The following AATK variants were observed in gnomAD, a reference collection of about 807,000 sequenced individuals.
The protein encoded by AATK is serine/threonine-protein kinase LMTK1.
Under a neutral mutation model 114.3 loss-of-function variants are expected in AATK, and 91 were observed. The observed-to-expected ratio is 0.80, with a 90% CI of 0.67 to 0.95. The LOEUF (loss-of-function observed/expected upper bound fraction) is 0.95, where lower values mean the gene tolerates loss of function less well. Among genes scored for constraint, AATK ranks in the 40% least tolerant of loss-of-function variants. The pLI is 0.00. For missense variants in AATK, 2,176 were observed against 1,965.2 expected (o/e 1.11, Z -2.03); for synonymous variants, 1,075 against 916.5 (o/e 1.17, Z -3.12).
Position 81,120,765 on chromosome 17 carries a change from G to A in AATK, c.3171C>T (p.Pro1057=), listed in dbSNP as rs1352516992. 1 of 1,574,990 alleles carries A rather than the reference G, an allele frequency of 6.3e-7. No homozygotes were observed. Among genetic ancestry groups the A allele is most frequent in the South Asian group, 1.2e-5 (1 of 86,036 alleles). ...AQGSGPGEVL[P]PLLQLEGSSP... is the part of the protein sequence containing the mutation. ...AGGACCCTTCAAGCTGCAGCAGTGG[G>A]GGCAGCACCTCCCCGGGGCCAGAGC... is the stretch of plus-strand genomic sequence containing the variant. The change falls in exon 11 of 14, where the codon CCC becomes CCT. Residue 1057 remains proline (P), a synonymous_variant. Transcript: ENST00000326724.
intron 1 of AATK, among the ~76,000 whole-genome samples, chr17:81,143,211 G>C (rs8070543): frequency 6.9e-6 from 1 of 144,748 alleles, no homozygotes; most frequent in African/African-American, 2.6e-5. Context: ...CCCCACCCCC[G>C]CAACGTGCAC....
chr17:81,151,317 CT>C (rs2061294154), intron 1 of AATK, among the ~76,000 whole-genome samples: 1 of 150,038 alleles, frequency 6.7e-6, no homozygotes, highest in African/African-American at 2.5e-5. Context: ...TGTCTCCCCC[CT>C]CACCCCTCCT....
chr17:81,120,581 C>A lies in AATK; in HGVS notation c.3355G>T (p.Gly1119Trp). ...RSEGNSSEFQ[G>W]PPGLLSGPAP... is the part of the protein sequence containing the mutation. ...GGCCCTGACAACAGTCCTGGGGGCC[C>A]CTGGAACTCAGAGCTGTTGCCTTCT... The change falls in exon 11 of 14, where the codon GGG (glycine) becomes TGG (tryptophan). Residue 1119 changes from glycine (G) to tryptophan (W), a missense_variant. Gly to Trp is a radical substitution (Grantham distance 184). Transcript: ENST00000326724. 6.5e-7 allele frequency: 1 copy of A among 1,534,660 alleles called. No individual in the cohort carries two copies. The highest frequency in any genetic ancestry group is 8.7e-7 in the Non-Finnish European group (1 of 1,143,928).
intron 8 of AATK, 28 bp downstream of exon 8, chr17:81,124,902 C>T (rs781569112): frequency 6.5e-7 from 1 of 1,544,220 alleles, no homozygotes; most frequent in Non-Finnish European, 8.8e-7. Context: ...CCCCTCATGC[C>T]CAGCCCAGCC....
intron 7 of AATK, among the ~76,000 whole-genome samples, chr17:81,125,625 C>T (rs917289475): frequency 1.3e-5 from 2 of 152,152 alleles, no homozygotes; most frequent in African/African-American, 4.8e-5. Flanking sequence ...CCCTGCCTGG[C>T]TGGTCACGTG....
intron 13 of AATK, among the ~76,000 whole-genome samples, 168 bp downstream of exon 13, chr17:81,119,212 G>GC (rs1568215747): frequency 6.9e-6 from 1 of 144,650 alleles, no homozygotes; most frequent in African/African-American, 2.7e-5. Context: ...AGGGCCAGGC[G>GC]GGGTCCAGGC....
At chr17:81,123,574 C>T (rs986483390) in intron 9 of AATK, among the ~76,000 whole-genome samples, 7 of 152,208 alleles carry the variant, frequency 4.6e-5, no homozygotes, top group African/African-American at 9.7e-5. Context: ...ACATAAAGGC[C>T]GGGCTGGCCG....
intron 1 of AATK, among the ~76,000 whole-genome samples, chr17:81,149,102 C>A (rs1316484487): frequency 2.0e-5 from 3 of 152,130 alleles, no homozygotes; most frequent in African/African-American, 7.2e-5. Context: ...ATGGCCATCC[C>A]GAGAGCTGCA....
intron 1 of AATK, among the ~76,000 whole-genome samples, chr17:81,163,264 C>T (rs2061446143): frequency 6.6e-6 from 1 of 152,156 alleles, no homozygotes; most frequent in African/African-American, 2.4e-5. Flanking sequence ...TGAGGCCGCA[C>T]CAGGGAAGGT....
rs539655459 is a variant in AATK at position 81,163,688 on chromosome 17, G to T, written c.55+2250C>A. Among the ~76,000 whole-genome samples the T allele has an allele frequency of 1.7e-3, 264 of 152,334 alleles. 1 individual carries two copies. The highest frequency in any genetic ancestry group is 0.01 in the Middle Eastern group (3 of 294). On this transcript the variant is annotated intron_variant, in intron 1 of 13. Transcript: ENST00000326724. Reference sequence around the variant, plus strand: ...CCTGCCCTGCCCGCATCTGCCTGGTGCGGAAGGTCAGGGGCCCAGGCAGCC... The same window carrying T: ...CCTGCCCTGCCCGCATCTGCCTGGTTCGGAAGGTCAGGGGCCCAGGCAGCC...
chr17:81,143,563 C>T (rs868085582), intron 1 of AATK, among the ~76,000 whole-genome samples: 1 of 151,282 alleles, frequency 6.6e-6, no homozygotes, highest in Non-Finnish European at 1.5e-5. Flanking sequence ...GCCCCAATTC[C>T]CCCAGCCATG....
intron 1 of AATK, among the ~76,000 whole-genome samples, chr17:81,155,739 GC>G (rs1288229975): frequency 6.6e-6 from 1 of 151,622 alleles, no homozygotes; most frequent in Admixed American, 6.6e-5. Flanking sequence ...AGGCTGGAGT[GC>G]AGCGGTGCCA....
chr17:81,144,934 T>G (rs1182552317), intron 1 of AATK, among the ~76,000 whole-genome samples: 1 of 152,150 alleles, frequency 6.6e-6, no homozygotes, highest in East Asian at 1.9e-4. Flanking sequence ...CCACACTCCA[T>G]GAAAAGCCTG....
chr17:81,151,624 C>T (rs2061300377), intron 1 of AATK, among the ~76,000 whole-genome samples: 1 of 152,112 alleles, frequency 6.6e-6, no homozygotes, highest in African/African-American at 2.4e-5. Flanking sequence ...GCTGGAACTG[C>T]CCTGGGAGTG....
intron 1 of AATK, among the ~76,000 whole-genome samples, chr17:81,142,928 G>A (rs930095562): frequency 1.3e-5 from 2 of 152,248 alleles, no homozygotes; most frequent in African/African-American, 4.8e-5. Flanking sequence ...GCAGTGGAAA[G>A]GACAGGAGGC....
chr17:81,152,078 C>G (rs1290519063), intron 1 of AATK, among the ~76,000 whole-genome samples: 1 of 151,908 alleles, frequency 6.6e-6, no homozygotes, highest in Non-Finnish European at 1.5e-5. Flanking sequence ...AGTTCGAGAC[C>G]AGCCTGGCCA....
At chr17:81,134,100 C>G (rs534317040) in intron 2 of AATK, among the ~76,000 whole-genome samples, 226 of 152,294 alleles carry the variant, frequency 1.5e-3, no homozygotes, top group African/African-American at 5.2e-3. Flanking sequence ...CGTGAGTGCT[C>G]GGGCCCAACC....
In AATK at chr17:81,131,058, C is replaced by A; in HGVS notation, c.334+3G>T. The A allele has an allele frequency of 6.5e-7, 1 of 1,550,240 alleles. No homozygotes were observed. Among genetic ancestry groups the A allele is most frequent in the African/African-American group, 1.4e-5 (1 of 73,286 alleles). ...CCACCCCATCTCCCCACCCAGCCCT[C>A]ACCTGAGCGCCCAGGCTGCTTGGCC... On this transcript the variant is annotated splice_donor_region_variant and intron_variant, in intron 3 of 13. Coordinates refer to ENST00000326724, the MANE Select transcript of AATK (RefSeq NM_001080395.3).
intron 1 of AATK, among the ~76,000 whole-genome samples, chr17:81,161,120 G>A (rs78205465): frequency 0.16 from 24,150 of 152,170 alleles, 2,863 homozygotes; most frequent in African/African-American, 0.33. Flanking sequence ...TCAGACCCAA[G>A]GAGACCCCCA....
Sources: allele counts gnomAD v4.1 joint callset (sites outside exome capture counted in the v4.1 genomes callset), GRCh38; gene constraint gnomAD v4.1.1; transcripts MANE v1.5; gene names NCBI Gene and HGNC (gene_info 2026-07-23, HGNC 2026-07-21).